SERINC1: variants seen among roughly 807,000 people sequenced by gnomAD.
SERINC1 encodes serine incorporator 1.
Under a neutral mutation model 52.9 loss-of-function variants are expected in SERINC1, and 38 were observed. The observed-to-expected ratio is 0.72, with a 90% CI of 0.55 to 0.94. The LOEUF is 0.94. Among genes scored for constraint, SERINC1 ranks in the 40% least tolerant of loss-of-function variants. SERINC1 has a pLI of 0.00. For missense variants in SERINC1, 471 were observed against 533.9 expected (o/e 0.88, Z 1.16); for synonymous variants, 198 against 183.1 (o/e 1.08, Z -0.66).
intron 1 of SERINC1, among the ~76,000 whole-genome samples, chr6:122,464,959 A>G (rs1223852748): frequency 6.6e-6 from 1 of 152,210 alleles, no homozygotes; most frequent in Non-Finnish European, 1.5e-5. Context: ...TAAAGATGGC[A>G]GACTGAATAT....
chr6:122,451,805 G>A (rs376612450), intron 6 of SERINC1, 51 bp from the exon 7 acceptor site: 34 of 538,750 alleles, frequency 6.3e-5, no homozygotes, highest in Non-Finnish European at 7.6e-5. Flanking sequence ...AGCAACACAG[G>A]TAAATAGTCT....
chr6:122,452,058 C>A lies in SERINC1; in HGVS notation c.590-1G>T. The A allele has an allele frequency of 6.7e-7, 1 of 1,492,868 alleles. No individual in the cohort carries two copies. The highest frequency in any genetic ancestry group is 8.9e-7 in the Non-Finnish European group (1 of 1,121,260). 92.5% of individuals were successfully genotyped at this position (1,492,868 alleles called of 1,614,324 possible). A position where few individuals can be genotyped will look rare whatever the true frequency, so the allele number is the denominator to read the frequency against. On this transcript the variant is annotated splice_acceptor_variant, in intron 5 of 9. Coordinates refer to ENST00000339697, the MANE Select transcript of SERINC1 (RefSeq NM_020755.4). LOFTEE classifies it high-confidence loss of function. The stretch of plus-strand genomic sequence containing the variant: ...TTCAGAGCTGTAGCTGATAACAAGG[C>A]TGTGAAAGAAATATAATTGGATAAT...
intron 1 of SERINC1, among the ~76,000 whole-genome samples, chr6:122,458,990 G>A (rs1342873142): frequency 6.6e-6 from 1 of 152,014 alleles, no homozygotes; most frequent in Non-Finnish European, 1.5e-5. Flanking sequence ...AAAAGAAATG[G>A]AATATTCATG....
At chr6:122,467,141 T>A (rs896807412) in intron 1 of SERINC1, among the ~76,000 whole-genome samples, 3 of 152,152 alleles carry the variant, frequency 2.0e-5, no homozygotes, top group African/African-American at 7.2e-5. Flanking sequence ...GAAATGTACA[T>A]CCTCATTAGA....
Position 122,456,660 on chromosome 6 carries a change from C to A in SERINC1, c.202-10G>T. The A allele has an allele frequency of 4.5e-6, 7 of 1,549,266 alleles. No individual in the cohort carries two copies. The highest frequency in any genetic ancestry group is 5.2e-6 in the Non-Finnish European group (6 of 1,152,814). On this transcript the variant is annotated splice_polypyrimidine_tract_variant and intron_variant, in intron 2 of 9. Transcript: ENST00000339697. ...CACAAAATCCAGGAATCTAGAAAAA[C>A]AAAAGAGTTTATGATCCATCATTTT...
intron 1 of SERINC1, among the ~76,000 whole-genome samples, chr6:122,461,051 G>A (rs1453934060): frequency 2.6e-5 from 4 of 152,090 alleles, no homozygotes; most frequent in African/African-American, 9.7e-5. Flanking sequence ...AGAACATTGT[G>A]AGACAACTTT....
intron 9 of SERINC1, 103 bp downstream of exon 9, chr6:122,446,671 A>G (rs1406028119): frequency 1.4e-6 from 1 of 713,702 alleles, no homozygotes; most frequent in African/African-American, 1.8e-5. Flanking sequence ...TTTGAAATAT[A>G]TCAGAGGATA....
chr6:122,461,532 T>C (rs1177252656), intron 1 of SERINC1, among the ~76,000 whole-genome samples: 1 of 140,128 alleles, frequency 7.1e-6, no homozygotes, highest in African/African-American at 2.6e-5. Flanking sequence ...GGGGGAGGGA[T>C]AGCATTGGGA....
chr6:122,468,489 G>T (rs887321041), intron 1 of SERINC1, among the ~76,000 whole-genome samples: 1 of 152,062 alleles, frequency 6.6e-6, no homozygotes, highest in Non-Finnish European at 1.5e-5. Context: ...CTCCTTAGAA[G>T]AATCTTTTTA....
intron 7 of SERINC1, among the ~76,000 whole-genome samples, chr6:122,447,832 T>C (rs188481806): frequency 6.6e-6 from 1 of 152,274 alleles, no homozygotes; most frequent in East Asian, 1.9e-4. Context: ...AAGAAGAAAG[T>C]AGGCAAGGTG....
At chr6:122,448,132 G>A (rs574835265) in intron 7 of SERINC1, among the ~76,000 whole-genome samples, 16 of 150,752 alleles carry the variant, frequency 1.1e-4, no homozygotes, top group African/African-American at 3.9e-4. Context: ...AAGTAGGATT[G>A]CTAAAATATT....
chr6:122,458,119 T>G (rs1775033687), intron 2 of SERINC1, among the ~76,000 whole-genome samples: 1 of 152,182 alleles, frequency 6.6e-6, no homozygotes, highest in South Asian at 2.1e-4. Flanking sequence ...CTGCTTGACT[T>G]TTATACTTTA....
rs1170751242 is a variant in SERINC1, at chr6:122,445,054, T to C, written c.1352A>G (p.Asp451Gly). 7 of 1,612,968 alleles carry C rather than the reference T, an allele frequency of 4.3e-6. No individual in the cohort carries two copies. Among genetic ancestry groups the C allele is most frequent in the Non-Finnish European group, 5.9e-6 (7 of 1,179,676 alleles). Reference protein sequence around the residue: ...LVAPLVLTNRDFD With the variant: ...LVAPLVLTNRGFD ...TGCTAGAAGTCTCACTCAGTCAAAA[T>C]CACGATTTGTAAGAACAAGTGGTGC... Residue 451 changes from aspartate to glycine, a missense_variant, in exon 10 of 10, where the codon GAT (aspartate) becomes GGT (glycine). Transcript: ENST00000339697.
Position 122,456,544 on chromosome 6 carries a change from A to G in SERINC1, c.308T>C (p.Leu103Pro). Residue 103 changes from leucine to proline, a missense_variant, in exon 3 of 10, where the codon CTT becomes CCT. Coordinates refer to ENST00000339697, the MANE Select transcript of SERINC1 (RefSeq NM_020755.4). ...LCFGLAMFYL[L>P]LSLLMIKVKS... The stretch of plus-strand genomic sequence containing the variant: ...CACTTTGATCATTAGTAAAGAGAGA[A>G]GAAGATAGAACATAGCCAAACCAAA... 6.2e-7 allele frequency: 1 copy of G among 1,612,744 alleles called. No individual in the cohort carries two copies. The highest frequency in any genetic ancestry group is 8.5e-7 in the Non-Finnish European group (1 of 1,179,296).
At chr6:122,451,861 T>A in intron 6 of SERINC1, 27 bp downstream of exon 6, 1 of 1,437,500 alleles carries the variant, frequency 7.0e-7, no homozygotes. Flanking sequence ...ATAAGCTTCA[T>A]AAAAACTAAT....
At chr6:122,471,519 C>T (rs1027860495) in intron 1 of SERINC1, among the ~76,000 whole-genome samples, 180 bp downstream of exon 1, 1 of 152,182 alleles carries the variant, frequency 6.6e-6, no homozygotes, top group African/African-American at 2.4e-5. Flanking sequence ...CTTCGCAAGA[C>T]CCAAAGCTCT....
chr6:122,456,183 A>C (rs916147068), intron 3 of SERINC1, among the ~76,000 whole-genome samples: 1 of 152,162 alleles, frequency 6.6e-6, no homozygotes, highest in Non-Finnish European at 1.5e-5. Context: ...TGGTCCACCT[A>C]AAGTTAACAG....
chr6:122,445,883 C>CAAAAAAAAAA (rs71018202), intron 9 of SERINC1, among the ~76,000 whole-genome samples: 973 of 62,468 alleles, frequency 0.016, 119 homozygotes, highest in African/African-American at 0.045. Context: ...GACTCCATTT[C>CAAAAAAAAAA]AAAAAAAAAA....
chr6:122,465,021 G>T (rs1175179536), intron 1 of SERINC1, among the ~76,000 whole-genome samples: 2 of 151,932 alleles, frequency 1.3e-5, no homozygotes, highest in Non-Finnish European at 2.9e-5. Flanking sequence ...AAAAATAAAG[G>T]TTTGGGGTTT....
Sources: gnomAD v4.1 joint callset for allele counts (sites outside exome capture counted in the v4.1 genomes callset) on GRCh38, gnomAD v4.1.1 for gene constraint, MANE v1.5 for transcripts, NCBI Gene and HGNC (gene_info 2026-07-23, HGNC 2026-07-21) for gene names.